Variants in GRM5 observed in about 807,000 individuals in gnomAD.
GRM5 encodes the protein glutamate metabotropic receptor 5.
In GRM5, 19 loss-of-function variants were observed where a neutral mutation model predicts 83.1. The ratio of observed to expected loss-of-function variants is 0.23; its 90% CI spans 0.16 to 0.34. GRM5 has a LOEUF of 0.34. Among genes scored for constraint, GRM5 ranks in the 10% least tolerant of loss-of-function variants. GRM5 has a pLI of 1.00. For synonymous variants in GRM5, 675 were observed against 633.6 expected (o/e 1.07, Z -0.98); for missense variants, 1,160 against 1,588.3 (o/e 0.73, Z 4.58).
chr11:88,810,863 T>C (rs1290567523), intron 3 of GRM5, among the ~76,000 whole-genome samples: 4 of 152,148 alleles, frequency 2.6e-5, no homozygotes, highest in African/African-American at 9.7e-5. Flanking sequence ...AGTCTCCTTG[T>C]GCTCAAAGAG....
At chr11:88,637,192 A>G (rs1939153294) in intron 4 of GRM5, among the ~76,000 whole-genome samples, 2 of 152,210 alleles carry the variant, frequency 1.3e-5, no homozygotes, top group African/African-American at 4.8e-5. Context: ...ACCTAAAACC[A>G]TAAAAACCCT....
intron 8 of GRM5, among the ~76,000 whole-genome samples, chr11:88,546,395 T>C (rs1942386185): frequency 6.6e-6 from 1 of 152,128 alleles, no homozygotes; most frequent in Non-Finnish European, 1.5e-5. Context: ...ATATTCTCAA[T>C]GAATAGTTAC....
intron 3 of GRM5, among the ~76,000 whole-genome samples, chr11:88,792,282 T>A (rs1943189047): frequency 6.6e-6 from 1 of 152,124 alleles, no homozygotes; most frequent in Non-Finnish European, 1.5e-5. Context: ...TCTGCATGTA[T>A]GAATCTTACC....
In GRM5 at chr11:88,653,512, C is replaced by A. The variant is rs1057204673; in HGVS notation, c.912-109G>T. On this transcript the variant is annotated intron_variant, in intron 3 of 9. Coordinates refer to ENST00000305447, the MANE Select transcript of GRM5 (RefSeq NM_001143831.3). ...AGTCATTAAATGGCTACCTCAGGCC[C>A]CATGATGGTCCTATATTACACCGAC... The A allele has an allele frequency of 7.5e-6, 5 of 662,588 alleles. No homozygotes were observed. In the Admixed American group the frequency reaches 1.3e-4, roughly 18 times the overall value. The allele number at this position is 662,588 out of a possible 1,614,324, so 41.0% of individuals were successfully genotyped here. A position where few individuals can be genotyped will look rare whatever the true frequency, so the allele number is the denominator to read the frequency against.
intron 3 of GRM5, among the ~76,000 whole-genome samples, chr11:88,700,494 C>G (rs1042540673): frequency 3.9e-5 from 6 of 152,154 alleles, no homozygotes; most frequent in East Asian, 3.9e-4. Context: ...CACAACTGCT[C>G]AAGGAGACCA....
chr11:88,769,052 C>CA (rs1942676689), intron 3 of GRM5, among the ~76,000 whole-genome samples: 2 of 152,000 alleles, frequency 1.3e-5, no homozygotes, highest in Admixed American at 1.3e-4. Flanking sequence ...AAAGAAACTG[C>CA]ATGTTAAGTA....
intron 2 of GRM5, among the ~76,000 whole-genome samples, chr11:88,983,884 G>C (rs1195727147): frequency 6.6e-6 from 1 of 151,928 alleles, no homozygotes; most frequent in Non-Finnish European, 1.5e-5. Context: ...CTGATTCTTT[G>C]TAGACCGAAG....
Position 88,567,293 on chromosome 11 carries a change from T to C in GRM5, c.2390A>G (p.Tyr797Cys). 6.2e-7 allele frequency: 1 copy of C among 1,614,012 alleles called. No individual in the cohort carries two copies. Among genetic ancestry groups the C allele is most frequent in the Non-Finnish European group, 8.5e-7 (1 of 1,179,872 alleles). ...CGAGAAACACATGGTGATGATTTTG[T>C]AGTTGCTGCCAAAGTAGATTGGCAC... Reference protein sequence around the residue: ...AFVPIYFGSNYKIITMCFSVS... With the variant: ...AFVPIYFGSNCKIITMCFSVS... The change falls in exon 8 of 10, where the codon TAC becomes TGC. Residue 797 changes from tyrosine (Y) to cysteine (C), a missense_variant. Transcript: ENST00000305447. This position sits in a 1 kb window ranked among gnomAD's most constrained non-coding sequence, Gnocchi z 7.3.
intron 2 of GRM5, among the ~76,000 whole-genome samples, chr11:88,962,904 C>T (rs1253087535): frequency 2.0e-5 from 3 of 152,190 alleles, no homozygotes; most frequent in Non-Finnish European, 4.4e-5. Flanking sequence ...TCCTGGCCAA[C>T]ATGGTGAAAC....
intron 2 of GRM5, among the ~76,000 whole-genome samples, chr11:88,995,534 G>C (rs1322066374): frequency 9.5e-6 from 1 of 105,704 alleles, no homozygotes; most frequent in African/African-American, 3.9e-5. Flanking sequence ...ACAAGAGCGA[G>C]ACTCCATCTC....
chr11:88,863,288 C>G (rs1944600136), intron 2 of GRM5, among the ~76,000 whole-genome samples: 1 of 151,880 alleles, frequency 6.6e-6, no homozygotes, highest in Admixed American at 6.6e-5. Flanking sequence ...ATAAATCATT[C>G]TATTATAAAT....
intron 2 of GRM5, among the ~76,000 whole-genome samples, chr11:88,974,639 T>A (rs1418497498): frequency 6.6e-6 from 1 of 152,134 alleles, no homozygotes; most frequent in East Asian, 1.9e-4. Context: ...TAGGCCATCA[T>A]TTGTGTTTCA....
At chr11:88,999,952 G>A (rs1164899218) in intron 2 of GRM5, among the ~76,000 whole-genome samples, 3 of 152,138 alleles carry the variant, frequency 2.0e-5, no homozygotes, top group Non-Finnish European at 2.9e-5. Flanking sequence ...CATGGATGAA[G>A]CTGGAAACCA....
At chr11:88,869,311 T>C (rs1356828391) in intron 2 of GRM5, among the ~76,000 whole-genome samples, 2 of 151,728 alleles carry the variant, frequency 1.3e-5, no homozygotes, top group South Asian at 2.1e-4. Context: ...GTTTATGAAA[T>C]TGTGTAGGTA....
chr11:88,732,163 T>G (rs1464088923), intron 3 of GRM5, among the ~76,000 whole-genome samples: 4 of 152,036 alleles, frequency 2.6e-5, no homozygotes, highest in Non-Finnish European at 5.9e-5. Context: ...CAAACTAAAC[T>G]AAAACCAATT....
At chr11:88,960,064 G>A (rs752615578) in intron 2 of GRM5, among the ~76,000 whole-genome samples, 71 of 152,126 alleles carry the variant, frequency 4.7e-4, no homozygotes, top group Non-Finnish European at 7.2e-4. Flanking sequence ...TGTTCTCAGC[G>A]GAGGAAACTG....
intron 8 of GRM5, among the ~76,000 whole-genome samples, chr11:88,531,868 C>T (rs1942018151): frequency 6.6e-6 from 1 of 151,820 alleles, no homozygotes. Flanking sequence ...CTACTATGGC[C>T]CGTAGTCTTC....
chr11:88,703,929 C>T (rs12418224), intron 3 of GRM5, among the ~76,000 whole-genome samples: 2,699 of 152,038 alleles, frequency 0.018, 63 homozygotes, highest in East Asian at 0.098. Flanking sequence ...AAAATACCAG[C>T]GACTGGGTTT....
chr11:88,990,936 C>T (rs1464462438), intron 2 of GRM5, among the ~76,000 whole-genome samples: 1 of 152,118 alleles, frequency 6.6e-6, no homozygotes. Context: ...GGAAGCATTC[C>T]CTTTGAAAAC....
Sources: gnomAD v4.1 joint callset for allele counts (sites outside exome capture counted in the v4.1 genomes callset) on GRCh38, gnomAD v4.1.1 for gene constraint, Gnocchi (gnomAD v3.1) non-coding constraint, MANE v1.5 for transcripts, NCBI Gene and HGNC (gene_info 2026-07-23, HGNC 2026-07-21) for gene names.